Variants in RALYL observed in about 807,000 individuals in gnomAD.
RALYL encodes the protein RALY RNA binding protein like.
Under a neutral mutation model 35.1 loss-of-function variants are expected in RALYL, and 29 were observed. That is an observed-to-expected ratio of 0.83 (90% confidence interval 0.61 to 1.13). RALYL has a LOEUF of 1.13. Among genes scored for constraint, RALYL ranks in the 50% most tolerant of loss-of-function variants. The pLI, the probability that RALYL is intolerant of heterozygous loss-of-function variation, is 0.00. For missense variants in RALYL, 359 were observed against 360.4 expected (o/e 1.00, Z 0.03); for synonymous variants, 120 against 127.6 (o/e 0.94, Z 0.40).
At chr8:84,468,354 C>T (rs4576421) in intron 1 of RALYL, among the ~76,000 whole-genome samples, 4 of 150,894 alleles carry the variant, frequency 2.7e-5, no homozygotes, top group African/African-American at 9.7e-5. Context: ...GACAAAATCT[C>T]TCAGCATTTG....
rs569837989 is a variant in RALYL, at chr8:84,260,759, T to C, written c.-24+76335T>C. Among the ~76,000 whole-genome samples the C allele has an allele frequency of 3.9e-5, 6 of 152,282 alleles. No homozygotes were observed. The East Asian group carries it at 1.2e-3, about 29-fold the overall frequency. The stretch of plus-strand genomic sequence containing the variant: ...ATTCAGAAAGATGTGAGTTCTGGAA[T>C]AGCATTGCTAATTTTCAAGATCATA... On this transcript the variant is annotated intron_variant, in intron 1 of 8. Transcript: ENST00000521268.
intron 3 of RALYL, among the ~76,000 whole-genome samples, chr8:84,779,763 C>T (rs958778013): frequency 1.3e-5 from 2 of 152,210 alleles, no homozygotes; most frequent in African/African-American, 4.8e-5. Context: ...AAGGTGACTG[C>T]AGCAAAATAT....
chr8:84,414,651 T>C (rs558002788), intron 1 of RALYL, among the ~76,000 whole-genome samples: 4 of 152,360 alleles, frequency 2.6e-5, no homozygotes, highest in Admixed American at 6.5e-5. Context: ...CAAAAAATGC[T>C]GAGTGCCATT....
At chr8:84,812,626 A>G (rs978298421) in intron 4 of RALYL, among the ~76,000 whole-genome samples, 2 of 152,044 alleles carry the variant, frequency 1.3e-5, no homozygotes, top group African/African-American at 4.8e-5. Flanking sequence ...GGGGACGGAG[A>G]TGAGGTTCCC....
chr8:84,611,703 C>T (rs954720120), intron 2 of RALYL, among the ~76,000 whole-genome samples: 2 of 152,086 alleles, frequency 1.3e-5, no homozygotes, highest in African/African-American at 2.4e-5. Flanking sequence ...AATATATGGT[C>T]GTACATCATA....
intron 1 of RALYL, among the ~76,000 whole-genome samples, chr8:84,324,735 CCA>C (rs202086426): frequency 0.02 from 3,067 of 152,010 alleles, 110 homozygotes; most frequent in African/African-American, 0.07. Context: ...CTTCCCACTC[CCA>C]CAGATTAGTG....
intron 4 of RALYL, among the ~76,000 whole-genome samples, chr8:84,823,878 G>A (rs1829052612): frequency 6.6e-6 from 1 of 151,746 alleles, no homozygotes; most frequent in Admixed American, 6.6e-5. Flanking sequence ...ATATTAAGAG[G>A]CATCTGTGAC....
chr8:84,586,657 C>G (rs1471249718), intron 2 of RALYL, among the ~76,000 whole-genome samples: 1 of 152,102 alleles, frequency 6.6e-6, no homozygotes, highest in African/African-American at 2.4e-5. Flanking sequence ...TGAGCTAGTA[C>G]AGTTGAGTTT....
At chr8:84,517,583 T>C (rs962565897) in intron 1 of RALYL, among the ~76,000 whole-genome samples, 1 of 152,202 alleles carries the variant, frequency 6.6e-6, no homozygotes, top group Non-Finnish European at 1.5e-5. Flanking sequence ...AAGGAACTTA[T>C]GTAAAGCACT....
At chr8:84,773,538 A>C (rs76387394) in intron 2 of RALYL, among the ~76,000 whole-genome samples, 2 of 152,144 alleles carry the variant, frequency 1.3e-5, no homozygotes, top group East Asian at 1.9e-4. Context: ...ACAGTTTTAC[A>C]TATTTCTTTA....
At chr8:84,739,551 G>A (rs1241504479) in intron 2 of RALYL, among the ~76,000 whole-genome samples, 1 of 151,592 alleles carries the variant, frequency 6.6e-6, no homozygotes, top group Non-Finnish European at 1.5e-5. Context: ...TATTTTAGGT[G>A]AAATACTTAT....
At chr8:84,644,686 A>C (rs558977758) in intron 2 of RALYL, among the ~76,000 whole-genome samples, 1 of 150,946 alleles carries the variant, frequency 6.6e-6, no homozygotes, top group African/African-American at 2.4e-5. Flanking sequence ...ACCTTTGCTC[A>C]TTCCTTTATG....
intron 2 of RALYL, among the ~76,000 whole-genome samples, chr8:84,539,512 T>C (rs2059843256): frequency 6.6e-6 from 1 of 152,014 alleles, no homozygotes. Context: ...GACTAGGTGA[T>C]CAGTAAGATC....
At chr8:84,918,404 T>C (rs971570554) in intron 8 of RALYL, among the ~76,000 whole-genome samples, 9 of 152,034 alleles carry the variant, frequency 5.9e-5, no homozygotes, top group Non-Finnish European at 1.2e-4. Flanking sequence ...TTCAATACAA[T>C]CCAGTCCCAT....
chr8:84,329,720 T>A (rs1442893736), intron 1 of RALYL, among the ~76,000 whole-genome samples: 1 of 152,142 alleles, frequency 6.6e-6, no homozygotes, highest in Non-Finnish European at 1.5e-5. Context: ...AGCACTGTGA[T>A]CTGTTATTAA....
At chr8:84,484,861 G>A (rs2054441921) in intron 1 of RALYL, among the ~76,000 whole-genome samples, 1 of 152,108 alleles carries the variant, frequency 6.6e-6, no homozygotes, top group South Asian at 2.1e-4. Context: ...ACTGATCTGT[G>A]AATTGAATAG....
chr8:84,301,301 C>A (rs1840733963), intron 1 of RALYL, among the ~76,000 whole-genome samples: 1 of 151,918 alleles, frequency 6.6e-6, no homozygotes, highest in Non-Finnish European at 1.5e-5. Context: ...TTCTTTCTAG[C>A]TGCCTTAAAA....
chr8:84,906,182 C>T (rs946257184), intron 8 of RALYL, among the ~76,000 whole-genome samples: 3 of 152,050 alleles, frequency 2.0e-5, no homozygotes, highest in African/African-American at 7.2e-5. Context: ...ATTTTATCTG[C>T]CAAATAGCTA....
chr8:84,737,449 A>G (rs2132985426), intron 2 of RALYL, among the ~76,000 whole-genome samples: 1 of 152,142 alleles, frequency 6.6e-6, no homozygotes, highest in Admixed American at 6.6e-5. Context: ...AATAATCTAT[A>G]TCTTGCAGGT....
Sources: gnomAD v4.1 joint callset for allele counts (sites outside exome capture counted in the v4.1 genomes callset) on GRCh38, gnomAD v4.1.1 for gene constraint, MANE v1.5 for transcripts, NCBI Gene and HGNC (gene_info 2026-07-23, HGNC 2026-07-21) for gene names.